The following CTNNA2 variants were observed in gnomAD, a reference collection of about 807,000 sequenced individuals.
The protein encoded by CTNNA2 is catenin alpha 2, also known as catenin alpha-2.
CTNNA2 carries 42 observed loss-of-function variants against 101.0 expected under a neutral mutation model. The ratio of observed to expected loss-of-function variants is 0.42; its 90% CI spans 0.32 to 0.54. The LOEUF (loss-of-function observed/expected upper bound fraction) is 0.54. CTNNA2 is among the 20% of genes least tolerant of loss of function. The probability of loss-of-function intolerance (pLI) is 0.14; values close to 1 mark genes in which losing one functional copy is unlikely to be tolerated. For missense variants in CTNNA2, 871 were observed against 1,223.1 expected, an observed-to-expected ratio of 0.71 and a Z score of 4.29; for synonymous variants, 450 against 456.4, an observed-to-expected ratio of 0.99 and a Z score of 0.18.
At chr2:80,239,209 T>G (rs1558932068) in intron 7 of CTNNA2, among the ~76,000 whole-genome samples, 1 of 152,216 alleles carries the variant, frequency 6.6e-6, no homozygotes, top group Non-Finnish European at 1.5e-5. Flanking sequence ...GATACTACTT[T>G]TGATGTACTC....
At chr2:80,571,400 C>G (rs1475844789) in intron 12 of CTNNA2, among the ~76,000 whole-genome samples, 2 of 152,028 alleles carry the variant, frequency 1.3e-5, no homozygotes, top group Admixed American at 6.6e-5. Flanking sequence ...AGAAGTACAA[C>G]CTTGAGAATA....
intron 4 of CTNNA2, among the ~76,000 whole-genome samples, chr2:79,449,003 G>A (rs1486423026): frequency 6.6e-6 from 1 of 152,010 alleles, no homozygotes; most frequent in Non-Finnish European, 1.5e-5. Flanking sequence ...GGTTTTGATT[G>A]AAGCAGACAT....
intron 7 of CTNNA2, among the ~76,000 whole-genome samples, chr2:80,023,995 G>A (rs544729710): frequency 4.0e-5 from 6 of 151,802 alleles, no homozygotes; most frequent in African/African-American, 1.4e-4. Context: ...GCCGAGGCGG[G>A]AGAACGGCGT....
At chr2:79,372,833 C>T (rs988247296) in intron 3 of CTNNA2, among the ~76,000 whole-genome samples, 9 of 152,108 alleles carry the variant, frequency 5.9e-5, no homozygotes, top group African/African-American at 1.9e-4. Context: ...CAGAGGCCTA[C>T]CAAAGGTATA....
At chr2:80,254,295 C>T (rs1482793872) in intron 7 of CTNNA2, among the ~76,000 whole-genome samples, 1 of 152,076 alleles carries the variant, frequency 6.6e-6, no homozygotes, top group Non-Finnish European at 1.5e-5. Flanking sequence ...TAACACCTAC[C>T]ACATGCTTCT....
chr2:80,473,589 T>A (rs1480151267), intron 9 of CTNNA2, among the ~76,000 whole-genome samples: 1 of 152,214 alleles, frequency 6.6e-6, no homozygotes, highest in East Asian at 1.9e-4. Flanking sequence ...GCTGTACTCA[T>A]TGGAACCCAC....
chr2:80,069,118 G>T (rs1409853851), intron 7 of CTNNA2, among the ~76,000 whole-genome samples: 1 of 152,172 alleles, frequency 6.6e-6, no homozygotes, highest in Non-Finnish European at 1.5e-5. Context: ...TAGCTCCAAT[G>T]TCCAAGGGCA....
Position 79,649,843 on chromosome 2 carries a change from T to G in CTNNA2, c.-5-1709T>G, listed in dbSNP as rs1478332884. Among the ~76,000 whole-genome samples the G allele has an allele frequency of 1.3e-5, 2 of 152,058 alleles. 1 individual carries two copies. The highest frequency in any genetic ancestry group is 4.2e-4 in the South Asian group (2 of 4,816). ...GCCTCTACTTTTTTTCTGAAGCAAA[T>G]TGGTTGGGTCTATTTGCAAAAGCTT... On this transcript the variant is annotated intron_variant, in intron 1 of 18. Transcript: ENST00000402739.
At chr2:80,294,341 G>A (rs911084088) in intron 7 of CTNNA2, among the ~76,000 whole-genome samples, 8 of 152,192 alleles carry the variant, frequency 5.3e-5, no homozygotes, top group East Asian at 1.9e-4. Context: ...TAAGTACACC[G>A]ATGCTTGCAC....
chr2:79,788,001 C>T (rs941276651), intron 3 of CTNNA2, among the ~76,000 whole-genome samples: 1 of 152,162 alleles, frequency 6.6e-6, no homozygotes, highest in Non-Finnish European at 1.5e-5. Context: ...GTGCCAATCT[C>T]ACTCACTTAG....
At chr2:80,184,969 A>T (rs1706023854) in intron 7 of CTNNA2, among the ~76,000 whole-genome samples, 1 of 152,218 alleles carries the variant, frequency 6.6e-6, no homozygotes, top group Non-Finnish European at 1.5e-5. Flanking sequence ...GTATGCTAGT[A>T]TATTGGCACT....
chr2:80,077,466 C>T (rs796264898), intron 7 of CTNNA2, among the ~76,000 whole-genome samples: 43 of 151,788 alleles, frequency 2.8e-4, no homozygotes, highest in African/African-American at 9.9e-4. Context: ...CAACAACTAG[C>T]GGTTAGGCGT....
rs375547301 is a variant in CTNNA2 at position 80,188,832 on chromosome 2, C to A, written c.1057-204379C>A. Among the ~76,000 whole-genome samples, 32 of 152,062 alleles carry A rather than the reference C, an allele frequency of 2.1e-4. No individual in the cohort carries two copies. The South Asian group carries it at 6.0e-3, about 29-fold the overall frequency. Reference sequence around the variant, plus strand: ...AAGGTCTTTTTGCCATGTAAGGCAACACATTTGCAGGGTCCTGAGATTAGG... The same window carrying A: ...AAGGTCTTTTTGCCATGTAAGGCAAAACATTTGCAGGGTCCTGAGATTAGG... On this transcript the variant is annotated intron_variant, in intron 7 of 18. Coordinates refer to ENST00000402739, the MANE Select transcript of CTNNA2 (RefSeq NM_001282597.3).
intron 7 of CTNNA2, among the ~76,000 whole-genome samples, chr2:80,045,323 T>G (rs1470427768): frequency 6.6e-6 from 1 of 152,230 alleles, no homozygotes; most frequent in African/African-American, 2.4e-5. Flanking sequence ...AAACTACCAT[T>G]GTCTCATCTT....
At chr2:79,503,704 G>T (rs1238387625) in intron 4 of CTNNA2, among the ~76,000 whole-genome samples, 5 of 152,108 alleles carry the variant, frequency 3.3e-5, no homozygotes, top group Non-Finnish European at 7.3e-5. Flanking sequence ...GAAGTGAACA[G>T]CTATTTTCCC....
chr2:79,225,114 A>AT (rs950055883), intron 2 of CTNNA2, among the ~76,000 whole-genome samples: 3 of 152,032 alleles, frequency 2.0e-5, no homozygotes, highest in Non-Finnish European at 2.9e-5. Context: ...GCGGATATAT[A>AT]TTTTTATTTG....
At chr2:79,334,568 C>T (rs1676951007) in intron 3 of CTNNA2, among the ~76,000 whole-genome samples, 1 of 149,958 alleles carries the variant, frequency 6.7e-6, no homozygotes, top group Non-Finnish European at 1.5e-5. Flanking sequence ...TGAGCTAATA[C>T]AATATTGTGT....
chr2:80,105,651 G>A (rs1434989735), intron 7 of CTNNA2, among the ~76,000 whole-genome samples: 1 of 152,040 alleles, frequency 6.6e-6, no homozygotes, highest in Non-Finnish European at 1.5e-5. Flanking sequence ...GATCTCTTGA[G>A]CCTAGGAGGT....
In CTNNA2 at chr2:79,613,212, C is replaced by T. The variant is rs1184611765; in HGVS notation, c.-5-38340C>T. ...TTTACATACATGCTGAGTCATCTCT[C>T]CTTGTGAAATTAAAATGTGTAGTGA... On this transcript the variant is annotated intron_variant, in intron 1 of 18. Transcript: ENST00000402739. Among the ~76,000 whole-genome samples, 3 of 151,610 alleles carry T rather than the reference C, an allele frequency of 2.0e-5. No homozygotes were observed. In the East Asian group the frequency reaches 5.8e-4, roughly 29 times the overall value.
Sources: gnomAD v4.1 joint callset for allele counts (sites outside exome capture counted in the v4.1 genomes callset) on GRCh38, gnomAD v4.1.1 for gene constraint, MANE v1.5 for transcripts, NCBI Gene and HGNC (gene_info 2026-07-23, HGNC 2026-07-21) for gene names.